Variants in TCF7 observed in about 807,000 individuals in gnomAD.
The protein encoded by TCF7 is transcription factor 7, also known as T-cell-factor-7.
Under a neutral mutation model 46.8 loss-of-function variants are expected in TCF7, and 19 were observed. The ratio of observed to expected loss-of-function variants is 0.41; its 90% CI spans 0.28 to 0.60. TCF7 has a LOEUF of 0.60. Ranked by LOEUF, TCF7 falls within the 20% of genes least tolerant of loss-of-function variation. The probability of loss-of-function intolerance (pLI) is 0.35; values close to 1 mark genes in which losing one functional copy is unlikely to be tolerated. For missense variants in TCF7, 547 were observed against 504.6 expected, an observed-to-expected ratio of 1.08 and a Z score of -0.81; for synonymous variants, 245 against 213.4, an observed-to-expected ratio of 1.15 and a Z score of -1.29.
chr5:134,143,373 C>G, intron 8 of TCF7: 1 of 786,706 alleles, frequency 1.3e-6, no homozygotes, highest in Non-Finnish European at 2.3e-6. Context: ...GAAGTCACCT[C>G]CTTCCATTCA....
chr5:134,137,887 G>C (rs1365626501), intron 3 of TCF7, 172 bp from the exon 4 acceptor site: 4 of 477,944 alleles, frequency 8.4e-6, no homozygotes, highest in Non-Finnish European at 1.5e-5. Context: ...AAGTCTTGGG[G>C]GCTAGTGGGC....
intron 3 of TCF7, among the ~76,000 whole-genome samples, chr5:134,117,767 C>T (rs1389396395): frequency 6.6e-6 from 1 of 152,146 alleles, no homozygotes; most frequent in Admixed American, 6.5e-5. Context: ...TCTCAAGCTA[C>T]AGCAGATACA....
chr5:134,123,091 T>C (rs1240784968), intron 3 of TCF7, among the ~76,000 whole-genome samples: 2 of 152,228 alleles, frequency 1.3e-5, no homozygotes, highest in Non-Finnish European at 2.9e-5. Context: ...AAAGAGACAG[T>C]GTGTGAAACA....
intron 3 of TCF7, among the ~76,000 whole-genome samples, chr5:134,131,905 G>A (rs1323209579): frequency 6.6e-6 from 1 of 152,240 alleles, no homozygotes; most frequent in Non-Finnish European, 1.5e-5. Context: ...GTGGTGAGCA[G>A]GGGACATGGC....
Position 134,142,845 on chromosome 5 carries a change from A to C in TCF7, c.880A>C (p.Lys294Gln), listed in dbSNP as rs1561696885. Reference sequence around the variant, plus strand: ...CAAGGTCATTGCAGAGTGCACACTTAAGGAGAGCGCTGCCATCAACCAGAT... The same window carrying C: ...CAAGGTCATTGCAGAGTGCACACTTCAGGAGAGCGCTGCCATCAACCAGAT... The part of the protein sequence containing the change: ...RAKVIAECTL[K>Q]ESAAINQILG... The change falls in exon 7 of 10, where the codon AAG becomes CAG. Residue 294 changes from lysine to glutamine, a missense_variant. Transcript: ENST00000342854. 6.2e-7 allele frequency: 1 copy of C among 1,613,970 alleles called. No homozygotes were observed. Among genetic ancestry groups the C allele is most frequent in the Admixed American group, 1.7e-5 (1 of 59,996 alleles).
chr5:134,124,051 G>C (rs760912921), intron 3 of TCF7, among the ~76,000 whole-genome samples: 3 of 152,124 alleles, frequency 2.0e-5, no homozygotes, highest in Non-Finnish European at 4.4e-5. Flanking sequence ...TTACTGAGGG[G>C]AACTCTACCC....
At chr5:134,129,949 C>T (rs30490) in intron 3 of TCF7, among the ~76,000 whole-genome samples, 1 of 152,202 alleles carries the variant, frequency 6.6e-6, no homozygotes, top group Non-Finnish European at 1.5e-5. Flanking sequence ...TGCCATCCCC[C>T]ACCCCTTCCA....
upstream of TCF7, among the ~76,000 whole-genome samples, chr5:134,114,004 A>T (rs36203745): frequency 0.019 from 2,879 of 152,248 alleles, 97 homozygotes; most frequent in African/African-American, 0.065. Flanking sequence ...GGATCGGCTG[A>T]GGTCCGGTGC....
At chr5:134,118,912 G>A (rs1756201878) in intron 3 of TCF7, among the ~76,000 whole-genome samples, 1 of 152,178 alleles carries the variant, frequency 6.6e-6, no homozygotes, top group African/African-American at 2.4e-5. Flanking sequence ...CTTCTGAGTA[G>A]CTGGGACTAC....
At chr5:134,122,044 G>A (rs991227496) in intron 3 of TCF7, among the ~76,000 whole-genome samples, 5 of 152,146 alleles carry the variant, frequency 3.3e-5, no homozygotes, top group African/African-American at 4.8e-5. Context: ...GGAAGGCTGC[G>A]TAGTATTGGC....
intron 9 of TCF7, chr5:134,145,394 C>G: frequency 1.8e-6 from 1 of 558,182 alleles, no homozygotes; most frequent in Non-Finnish European, 3.5e-6. Context: ...GCTGGAGAGG[C>G]TGGGGGAGAG....
intron 9 of TCF7, 98 bp from the exon 10 acceptor site, chr5:134,146,126 G>C (rs1009619074): frequency 3.1e-6 from 5 of 1,609,690 alleles, no homozygotes; most frequent in Admixed American, 3.4e-5. Context: ...AGAGGACAAG[G>C]AATCAGCCAG....
At chr5:134,145,129 G>A (rs1760496492) in intron 9 of TCF7, 1 of 645,790 alleles carries the variant, frequency 1.5e-6, no homozygotes, top group Non-Finnish European at 2.9e-6. Flanking sequence ...CAAGAAGGCA[G>A]CTCTGATGCC....
chr5:134,146,193 G>C, intron 9 of TCF7, 31 bp from the exon 10 acceptor site: 1 of 1,614,126 alleles, frequency 6.2e-7, no homozygotes, highest in Non-Finnish European at 8.5e-7. Context: ...TTCACCCTCT[G>C]TTTACAGATA....
intron 3 of TCF7, among the ~76,000 whole-genome samples, chr5:134,124,846 C>A (rs1041992498): frequency 1.3e-5 from 2 of 152,194 alleles, no homozygotes; most frequent in Non-Finnish European, 2.9e-5. Flanking sequence ...ACGGTTAGGC[C>A]TGCCCCCACT....
At chr5:134,143,339 G>T (rs574053030) in intron 8 of TCF7, 9 of 775,460 alleles carry the variant, frequency 1.2e-5, no homozygotes, top group Non-Finnish European at 1.9e-5. Context: ...GGGCCACATG[G>T]GCAGAAGGGG....
intron 3 of TCF7, 113 bp downstream of exon 3, chr5:134,116,146 T>A: frequency 6.9e-7 from 1 of 1,453,162 alleles, no homozygotes; most frequent in Non-Finnish European, 9.1e-7. Context: ...ACTCCTGTGC[T>A]GGTCTTTTCT....
chr5:134,144,186 A>T (rs1359820240), intron 9 of TCF7: 1 of 160,744 alleles, frequency 6.2e-6, no homozygotes, highest in Non-Finnish European at 1.4e-5. Context: ...CTCTCTGGTA[A>T]CTGAGACTCC....
At chr5:134,138,232 G>C (rs2149339102) in intron 4 of TCF7, 68 bp downstream of exon 4, 1 of 1,441,688 alleles carries the variant, frequency 6.9e-7, no homozygotes, top group East Asian at 2.3e-5. Flanking sequence ...CAGCTTCTGA[G>C]ACCAGGTAGC....
Sources: gnomAD v4.1 joint callset for allele counts (sites outside exome capture counted in the v4.1 genomes callset) on GRCh38, gnomAD v4.1.1 for gene constraint, MANE v1.5 for transcripts, NCBI Gene and HGNC (gene_info 2026-07-23, HGNC 2026-07-21) for gene names.